The following GALNT10 variants were observed in gnomAD, a reference collection of about 807,000 sequenced individuals.
GALNT10 encodes the protein GalNAc transferase 10.
Under a neutral mutation model 75.0 loss-of-function variants are expected in GALNT10, and 41 were observed. The ratio of observed to expected loss-of-function variants is 0.55; its 90% CI spans 0.43 to 0.71. The LOEUF is 0.71. GALNT10 is among the 30% of genes least tolerant of loss of function. The pLI is 0.00. For missense variants in GALNT10, 727 were observed against 818.5 expected, an observed-to-expected ratio of 0.89 and a Z score of 1.36; for synonymous variants, 302 against 313.0, an observed-to-expected ratio of 0.96 and a Z score of 0.37.
In GALNT10 at chr5:154,277,968, G is replaced by A. The variant is rs7725479; in HGVS notation, c.160-16848G>A. 9.5e-3 allele frequency among the ~76,000 whole-genome samples: 1,417 copies of A among 148,732 alleles called. 20 individuals are homozygous for A. Among genetic ancestry groups the A allele is most frequent in the African/African-American group, 0.035 (1,377 of 39,820 alleles). On this transcript the variant is annotated intron_variant, in intron 1 of 11. Coordinates refer to ENST00000297107, the MANE Select transcript of GALNT10 (RefSeq NM_198321.4). ...ATTGTCTTTTATGATATTCCCTGGA[G>A]TACCTAACCTAAGGCCAAAAAAATA... is the stretch of plus-strand genomic sequence containing the variant.
intron 3 of GALNT10, among the ~76,000 whole-genome samples, chr5:154,325,318 CTA>C (rs2113112335): frequency 1.3e-5 from 2 of 152,006 alleles, no homozygotes; most frequent in East Asian, 3.9e-4. Flanking sequence ...TTTTCTGAAA[CTA>C]TTATATATTG....
chr5:154,230,178 G>A (rs1339005803), intron 1 of GALNT10, among the ~76,000 whole-genome samples: 2 of 152,112 alleles, frequency 1.3e-5, no homozygotes, highest in Non-Finnish European at 2.9e-5. Flanking sequence ...TCCTGTGTAC[G>A]CAAAGCTTTA....
intron 4 of GALNT10, among the ~76,000 whole-genome samples, chr5:154,375,470 A>G (rs1755640774): frequency 6.6e-6 from 1 of 152,224 alleles, no homozygotes; most frequent in South Asian, 2.1e-4. Context: ...GACTTGGGGC[A>G]GAAATCCAGC....
rs150405428 is a variant in GALNT10 at position 154,262,597 on chromosome 5, T to C, written c.160-32219T>C. Among the ~76,000 whole-genome samples, 259 of 152,312 alleles carry C rather than the reference T, an allele frequency of 1.7e-3. 1 individual carries two copies. Among genetic ancestry groups the C allele is most frequent in the Middle Eastern group, 3.4e-3 (1 of 294 alleles). ...TTCTCCACCTCAGTCTGACCTGCTGTCCTTCCCCTGAGCCTCCCTGTTGAT... is the reference window on the plus strand; with the variant it reads ...TTCTCCACCTCAGTCTGACCTGCTGCCCTTCCCCTGAGCCTCCCTGTTGAT... On this transcript the variant is annotated intron_variant, in intron 1 of 11. Coordinates refer to ENST00000297107, the MANE Select transcript of GALNT10 (RefSeq NM_198321.4).
At chr5:154,325,212 A>T (rs1249095595) in intron 3 of GALNT10, among the ~76,000 whole-genome samples, 2 of 152,232 alleles carry the variant, frequency 1.3e-5, no homozygotes, top group Admixed American at 6.5e-5. Context: ...ACTTAAAAAC[A>T]TAAAAATTTG....
Position 154,417,175 on chromosome 5 carries a change from C to T in GALNT10, c.*203C>T, listed in dbSNP as rs1756532140. ...TGTGGGGGTAGGGTGAAGAGCATAT[C>T]CCACAAGAGGCCCCACAGGGAGCAG... is the stretch of plus-strand genomic sequence containing the variant. On this transcript the variant is annotated 3_prime_UTR_variant, in exon 12 of 12. Transcript: ENST00000297107. The T allele has an allele frequency of 3.5e-6, 2 of 576,166 alleles. No homozygotes were observed. Among genetic ancestry groups the T allele is most frequent in the Non-Finnish European group, 6.2e-6 (2 of 322,798 alleles). The allele number at this position is 576,166 out of a possible 1,614,324, so 35.7% of individuals were successfully genotyped here.
chr5:154,289,784 A>G (rs763191452), intron 1 of GALNT10, among the ~76,000 whole-genome samples: 5 of 152,218 alleles, frequency 3.3e-5, no homozygotes, highest in Non-Finnish European at 7.3e-5. Flanking sequence ...ATCTATAATA[A>G]GGGCCCAGGT....
At chr5:154,293,613 A>ATATATATATATTTTTTTTTTTTTTTTTT in intron 1 of GALNT10, among the ~76,000 whole-genome samples, 1 of 109,358 alleles carries the variant, frequency 9.1e-6, no homozygotes, top group African/African-American at 4.2e-5. Context: ...ATATATATAT[A>ATATATATATATTTTTTTTTTTTTTTTTT]TTTTTTTTTT....
intron 4 of GALNT10, chr5:154,349,282 C>A (rs1279273000): frequency 6.6e-6 from 1 of 152,074 alleles, no homozygotes; most frequent in Non-Finnish European, 1.5e-5. Context: ...GTTACTGTAC[C>A]TCTGTCCTCC....
intron 1 of GALNT10, among the ~76,000 whole-genome samples, chr5:154,249,480 T>C (rs1290723275): frequency 6.6e-6 from 1 of 151,966 alleles, no homozygotes; most frequent in African/African-American, 2.4e-5. Context: ...GACAACAGAG[T>C]AGAATTCATC....
chr5:154,324,178 A>C (rs1000880620), intron 3 of GALNT10, among the ~76,000 whole-genome samples: 4 of 152,176 alleles, frequency 2.6e-5, no homozygotes, highest in African/African-American at 7.2e-5. Context: ...CATGCCTTCC[A>C]TGTGGGGTTC....
intron 1 of GALNT10, among the ~76,000 whole-genome samples, chr5:154,287,014 G>C (rs1754121508): frequency 6.6e-6 from 1 of 152,214 alleles, no homozygotes; most frequent in Non-Finnish European, 1.5e-5. Flanking sequence ...ACTTAAGTCT[G>C]ACTGTGGGGT....
intron 3 of GALNT10, among the ~76,000 whole-genome samples, chr5:154,324,637 C>T (rs1754727177): frequency 6.6e-6 from 1 of 152,132 alleles, no homozygotes; most frequent in Admixed American, 6.5e-5. Context: ...TTTGAGTGGG[C>T]ATCAAAGTCA....
At chr5:154,405,443 A>T (rs1302272224) in intron 8 of GALNT10, among the ~76,000 whole-genome samples, 4 of 152,128 alleles carry the variant, frequency 2.6e-5, no homozygotes, top group African/African-American at 9.7e-5. Flanking sequence ...CCACAGCCCC[A>T]TCCGACACGG....
intron 4 of GALNT10, 118 bp downstream of exon 4, chr5:154,329,856 G>C (rs1754818825): frequency 1.5e-6 from 1 of 660,116 alleles, no homozygotes; most frequent in Non-Finnish European, 2.6e-6. Context: ...TTGGCTAAAT[G>C]CCTGGACGTT....
intron 1 of GALNT10, among the ~76,000 whole-genome samples, chr5:154,240,620 C>G (rs1030613599): frequency 2.0e-5 from 3 of 152,196 alleles, no homozygotes; most frequent in Admixed American, 2.0e-4. Context: ...CTAATAAATG[C>G]TATTAATTGA....
intron 4 of GALNT10, among the ~76,000 whole-genome samples, chr5:154,369,302 C>T (rs917165129): frequency 3.3e-5 from 5 of 152,220 alleles, no homozygotes; most frequent in South Asian, 4.2e-4. Flanking sequence ...GCAGGAGAAT[C>T]ACTTGAACCC....
At chr5:154,236,190 C>G (rs1175171632) in intron 1 of GALNT10, among the ~76,000 whole-genome samples, 1 of 152,132 alleles carries the variant, frequency 6.6e-6, no homozygotes, top group Non-Finnish European at 1.5e-5. Flanking sequence ...AGCTGTGTCA[C>G]CAGAACAAAT....
intron 1 of GALNT10, among the ~76,000 whole-genome samples, chr5:154,212,953 G>C (rs978899479): frequency 2.0e-4 from 28 of 136,844 alleles, no homozygotes; most frequent in African/African-American, 7.9e-4. Context: ...GGGCGACAGA[G>C]TGAGATTCCA....
Sources: gnomAD v4.1 joint callset for allele counts (sites outside exome capture counted in the v4.1 genomes callset) on GRCh38, gnomAD v4.1.1 for gene constraint, MANE v1.5 for transcripts, NCBI Gene and HGNC (gene_info 2026-07-23, HGNC 2026-07-21) for gene names.